Variants in MYO16 observed in about 807,000 individuals in gnomAD.
MYO16 encodes myosin XVI.
Under a neutral mutation model 205.3 loss-of-function variants are expected in MYO16, and 94 were observed. The ratio of observed to expected loss-of-function variants is 0.46; its 90% CI spans 0.39 to 0.54. MYO16 has a LOEUF of 0.54. Among genes scored for constraint, MYO16 ranks in the 20% least tolerant of loss-of-function variants. The probability of loss-of-function intolerance (pLI) is 0.00; values close to 1 mark genes in which losing one functional copy is unlikely to be tolerated. For synonymous variants in MYO16, 988 were observed against 954.0 expected, an observed-to-expected ratio of 1.04 and a Z score of -0.66; for missense variants, 2,315 against 2,387.5, an observed-to-expected ratio of 0.97 and a Z score of 0.63.
intron 12 of MYO16, among the ~76,000 whole-genome samples, chr13:108,870,415 G>T (rs1468135102): frequency 3.9e-5 from 6 of 151,950 alleles, no homozygotes. Context: ...AGAATTGGAA[G>T]GTGTACTCTG....
intron 4 of MYO16, among the ~76,000 whole-genome samples, chr13:108,760,339 T>C (rs1481970665): frequency 1.3e-5 from 2 of 152,128 alleles, no homozygotes; most frequent in Admixed American, 1.3e-4. Flanking sequence ...TTATCTTATT[T>C]CTACCACTAA....
At chr13:109,016,709 T>C (rs551289713) in intron 22 of MYO16, among the ~76,000 whole-genome samples, 63 of 152,328 alleles carry the variant, frequency 4.1e-4, no homozygotes, top group African/African-American at 1.4e-3. Flanking sequence ...TTTACCATTA[T>C]GTAATGGCCT....
At chr13:108,649,339 G>A (rs1265462320) in intron 1 of MYO16, among the ~76,000 whole-genome samples, 4 of 152,204 alleles carry the variant, frequency 2.6e-5, no homozygotes, top group Admixed American at 6.5e-5. Flanking sequence ...GAGCCATTAT[G>A]GTGGGCTCAG....
At chr13:109,177,228 C>T (rs573942792) in intron 33 of MYO16, among the ~76,000 whole-genome samples, 2 of 152,216 alleles carry the variant, frequency 1.3e-5, no homozygotes, top group South Asian at 2.1e-4. Context: ...CCCTGTTCAA[C>T]GTGACCTGTA....
intron 2 of MYO16, among the ~76,000 whole-genome samples, chr13:108,680,653 A>C (rs1023250142): frequency 6.6e-6 from 1 of 152,220 alleles, no homozygotes; most frequent in African/African-American, 2.4e-5. Flanking sequence ...TATTATACAC[A>C]TGGAGAAATT....
At chr13:108,807,308 A>G (rs1052074309) in intron 7 of MYO16, among the ~76,000 whole-genome samples, 1 of 152,138 alleles carries the variant, frequency 6.6e-6, no homozygotes, top group African/African-American at 2.4e-5. Context: ...ATGTAAAATA[A>G]TCTATCATAA....
chr13:108,785,692 G>T lies in MYO16; in HGVS notation c.565G>T (p.Val189Leu). The change falls in exon 5 of 35, where the codon GTA (valine) becomes TTA (leucine). Residue 189 changes from valine to leucine, a missense_variant. Coordinates refer to ENST00000457511, the MANE Select transcript of MYO16 (RefSeq NM_001198950.3). ...VNGNIPLDYA[V>L]EGTESSSILL... ...TGGAAATATCCCATTAGATTATGCT[G>T]TAGAAGGGACAGAATCCAGCTCTAT... is the stretch of plus-strand genomic sequence containing the variant. The T allele has an allele frequency of 6.2e-7, 1 of 1,613,680 alleles. No individual in the cohort carries two copies. The highest frequency in any genetic ancestry group is 8.5e-7 in the Non-Finnish European group (1 of 1,179,862).
Position 109,049,885 on chromosome 13 carries a change from A to G in MYO16, c.2873-2415A>G, listed in dbSNP as rs75834273. On this transcript the variant is annotated intron_variant, in intron 24 of 34. Transcript: ENST00000457511. ...TTACCCTCTTGCTATCTTTCTTTCT[A>G]TCTCTTTCCATCTTTTGTTCTCCTC... Among the ~76,000 whole-genome samples the G allele has an allele frequency of 4.5e-5, 6 of 132,784 alleles. No individual in the cohort carries two copies. In the East Asian group the frequency reaches 6.8e-4, roughly 15 times the overall value. 87.1% of individuals were successfully genotyped at this position (132,784 alleles called of 152,430 possible).
At chr13:108,870,997 T>A (rs1879023376) in intron 12 of MYO16, among the ~76,000 whole-genome samples, 1 of 152,166 alleles carries the variant, frequency 6.6e-6, no homozygotes, top group Non-Finnish European at 1.5e-5. Flanking sequence ...TATGTATATA[T>A]GTAGAAAGTC....
At chr13:108,688,768 G>C (rs1882780887) in intron 2 of MYO16, among the ~76,000 whole-genome samples, 1 of 152,164 alleles carries the variant, frequency 6.6e-6, no homozygotes, top group Non-Finnish European at 1.5e-5. Context: ...ATTTATTAAA[G>C]TGCTTCATGA....
chr13:109,129,778 C>T (rs12430663), intron 31 of MYO16, among the ~76,000 whole-genome samples: 2,719 of 152,098 alleles, frequency 0.018, 40 homozygotes, highest in South Asian at 0.03. Context: ...GAGCCCCATC[C>T]GAGCTTGAAC....
intron 11 of MYO16, among the ~76,000 whole-genome samples, chr13:108,862,460 G>T (rs1305730965): frequency 1.3e-5 from 2 of 152,154 alleles, no homozygotes; most frequent in Admixed American, 6.6e-5. Flanking sequence ...AATTGTGAAG[G>T]AGGAGGATCC....
chr13:108,725,096 T>C (rs1884295482), intron 3 of MYO16, among the ~76,000 whole-genome samples: 1 of 152,220 alleles, frequency 6.6e-6, no homozygotes, highest in African/African-American at 2.4e-5. Flanking sequence ...GTTGATCCCA[T>C]CTAAGCCATT....
intron 23 of MYO16, among the ~76,000 whole-genome samples, chr13:109,024,646 C>G (rs1449226444): frequency 6.6e-6 from 1 of 151,944 alleles, no homozygotes; most frequent in African/African-American, 2.4e-5. Context: ...CAGCCTAAAC[C>G]CCTGTGGAAA....
rs77002350 is a variant in MYO16, at chr13:108,705,541, T to G, written c.293-7120T>G. Among the ~76,000 whole-genome samples, 1,152 of 152,340 alleles carry G rather than the reference T, an allele frequency of 7.6e-3. 14 individuals carry two copies. Among genetic ancestry groups the G allele is most frequent in the African/African-American group, 0.027 (1,109 of 41,568 alleles). ...TTGTTATAATTGTTCTATTGTATTATTGTCATTAATCTTTTGCTGTGCCTA... is the reference window on the plus strand; with the variant it reads ...TTGTTATAATTGTTCTATTGTATTAGTGTCATTAATCTTTTGCTGTGCCTA... On this transcript the variant is annotated intron_variant, in intron 2 of 34. Transcript: ENST00000457511.
chr13:109,057,125 C>T (rs776665493), intron 27 of MYO16, among the ~76,000 whole-genome samples: 32 of 152,092 alleles, frequency 2.1e-4, no homozygotes, highest in South Asian at 1.2e-3. Flanking sequence ...AATATTTAAA[C>T]GATGACTAAA....
chr13:109,071,219 C>G (rs1035094195), intron 27 of MYO16, among the ~76,000 whole-genome samples: 1 of 152,028 alleles, frequency 6.6e-6, no homozygotes, highest in South Asian at 2.1e-4. Context: ...AAATAGTATT[C>G]TTATAAATAT....
chr13:108,866,129 G>T (rs906573242), intron 11 of MYO16, 48 bp from the exon 12 acceptor site: 1 of 1,155,738 alleles, frequency 8.7e-7, no homozygotes, highest in Non-Finnish European at 1.2e-6. Flanking sequence ...ATTGTTTAAA[G>T]ATGCTATTTA....
chr13:108,547,287 A>AG, the MYO16 span, among the ~76,000 whole-genome samples: 1 of 151,838 alleles, frequency 6.6e-6, no homozygotes, highest in Non-Finnish European at 1.5e-5. Flanking sequence ...AAAAAAAAAA[A>AG]AAGAAGGATA....
Sources: allele counts gnomAD v4.1 joint callset (sites outside exome capture counted in the v4.1 genomes callset), GRCh38; gene constraint gnomAD v4.1.1; transcripts MANE v1.5; gene names NCBI Gene and HGNC (gene_info 2026-07-23, HGNC 2026-07-21).